The following PLCB1 variants were observed in gnomAD, a reference collection of about 807,000 sequenced individuals.
PLCB1 encodes 1-phosphatidylinositol 4,5-bisphosphate phosphodiesterase beta-1.
PLCB1 carries 46 observed loss-of-function variants against 161.8 expected under a neutral mutation model. That is an observed-to-expected ratio of 0.28 (90% CI 0.22 to 0.36). The LOEUF is 0.36. PLCB1 is among the 10% of genes least tolerant of loss of function. The pLI, the probability that PLCB1 is intolerant of heterozygous loss-of-function variation, is 1.00. For missense variants in PLCB1, 1,016 were observed against 1,472.5 expected (o/e 0.69, Z 5.07); for synonymous variants, 517 against 503.7 (o/e 1.03, Z -0.35).
intron 23 of PLCB1, among the ~76,000 whole-genome samples, chr20:8,755,142 A>T (rs1981675366): frequency 6.6e-6 from 1 of 152,210 alleles, no homozygotes; most frequent in Non-Finnish European, 1.5e-5. Context: ...AGGGTGTAGT[A>T]AACAAGCAGG....
chr20:8,731,203 T>C (rs1980224901), intron 18 of PLCB1, among the ~76,000 whole-genome samples: 1 of 151,920 alleles, frequency 6.6e-6, no homozygotes, highest in African/African-American at 2.4e-5. Flanking sequence ...ATTAATTTAT[T>C]TTTATTGATA....
chr20:8,467,887 G>A (rs1369066977), intron 3 of PLCB1, among the ~76,000 whole-genome samples: 4 of 152,120 alleles, frequency 2.6e-5, no homozygotes, highest in African/African-American at 9.7e-5. Flanking sequence ...AGGCTCTGCT[G>A]TCTGCACCAT....
intron 7 of PLCB1, among the ~76,000 whole-genome samples, chr20:8,656,396 CTTTT>C (rs1989457082): frequency 6.6e-6 from 1 of 151,944 alleles, no homozygotes; most frequent in Non-Finnish European, 1.5e-5. Context: ...AGGGTGTGTT[CTTTT>C]GTTTAAGGGC....
chr20:8,428,138 A>C (rs1279221830), intron 3 of PLCB1, among the ~76,000 whole-genome samples: 1 of 152,214 alleles, frequency 6.6e-6, no homozygotes, highest in Non-Finnish European at 1.5e-5. Context: ...CATTCTCAGC[A>C]ACAACAGCCC....
At chr20:8,805,503 G>A (rs57844360) in intron 31 of PLCB1, among the ~76,000 whole-genome samples, 4,029 of 152,198 alleles carry the variant, frequency 0.026, 169 homozygotes, top group African/African-American at 0.093. Context: ...TACATGCTTT[G>A]AAATAATAAA....
intron 31 of PLCB1, among the ~76,000 whole-genome samples, chr20:8,827,000 A>G (rs1239233867): frequency 6.6e-6 from 1 of 152,190 alleles, no homozygotes; most frequent in African/African-American, 2.4e-5. Context: ...CGTATTTCAG[A>G]TGACATCTCT....
intron 10 of PLCB1, among the ~76,000 whole-genome samples, chr20:8,691,208 A>G (rs1990471045): frequency 6.6e-6 from 1 of 152,160 alleles, no homozygotes; most frequent in Admixed American, 6.5e-5. Context: ...TCAAATTTCT[A>G]TGATATAAAC....
At chr20:8,802,243 C>A in intron 31 of PLCB1, 2 of 774,440 alleles carry the variant, frequency 2.6e-6, no homozygotes, top group South Asian at 3.2e-5. Context: ...TCAGGCATCA[C>A]GGACTTGCTC....
chr20:8,880,606 G>A (rs1987936540), intron 31 of PLCB1, among the ~76,000 whole-genome samples: 1 of 152,154 alleles, frequency 6.6e-6, no homozygotes, highest in Admixed American at 6.6e-5. Context: ...AATGTATCAA[G>A]CTGCTCCTTA....
intron 2 of PLCB1, among the ~76,000 whole-genome samples, chr20:8,348,518 T>G (rs1013762943): frequency 4.6e-5 from 7 of 152,214 alleles, no homozygotes; most frequent in Middle Eastern, 3.4e-3. Flanking sequence ...CCAATATGAA[T>G]TGTGTTGGAG....
At chr20:8,539,082 T>G (rs939221382) in intron 3 of PLCB1, among the ~76,000 whole-genome samples, 1 of 152,186 alleles carries the variant, frequency 6.6e-6, no homozygotes, top group African/African-American at 2.4e-5. Context: ...CCACTGTGCC[T>G]GGCCTACAGC....
intron 31 of PLCB1, among the ~76,000 whole-genome samples, chr20:8,851,456 A>G (rs771866009): frequency 2.0e-4 from 31 of 152,342 alleles, no homozygotes; most frequent in Non-Finnish European, 4.3e-4. Flanking sequence ...ACTGGGCTGC[A>G]AAATAACCCT....
At chr20:8,879,542 T>C (rs1987898964) in intron 31 of PLCB1, among the ~76,000 whole-genome samples, 1 of 152,134 alleles carries the variant, frequency 6.6e-6, no homozygotes, top group African/African-American at 2.4e-5. Context: ...ATATTTCATG[T>C]ATCAGTATCA....
chr20:8,741,479 T>A lies in PLCB1; in HGVS notation c.2429T>A (p.Leu810Ter). 6.2e-7 allele frequency: 1 copy of A among 1,613,054 alleles called. No individual in the cohort carries two copies. The highest frequency in any genetic ancestry group is 8.5e-7 in the Non-Finnish European group (1 of 1,179,120). Residue 810 changes from leucine (L) to a stop codon, truncating the protein, a stop_gained, in exon 23 of 32, where the codon TTA becomes TAA. Coordinates refer to ENST00000338037, the MANE Select transcript of PLCB1 (RefSeq NM_015192.4). LOFTEE classifies it high-confidence loss of function. ...PDTYADVIEA[L>*]SNPIRYVNLM... Reference sequence around the variant, plus strand: ...CCCTATTTAGATGTCATCGAAGCTTTATCAAACCCAATCCGATATGTGAAC... The same window carrying A: ...CCCTATTTAGATGTCATCGAAGCTTAATCAAACCCAATCCGATATGTGAAC...
intron 3 of PLCB1, among the ~76,000 whole-genome samples, chr20:8,574,485 G>C (rs1050427839): frequency 6.6e-6 from 1 of 152,124 alleles, no homozygotes; most frequent in Non-Finnish European, 1.5e-5. Context: ...GAAATACTAA[G>C]TGTTTATTAT....
At chr20:8,188,149 TG>T in intron 2 of PLCB1, among the ~76,000 whole-genome samples, 1 of 152,240 alleles carries the variant, frequency 6.6e-6, no homozygotes, top group East Asian at 1.9e-4. Flanking sequence ...GTGTTTGTTG[TG>T]GGGCCCAGGT....
intron 3 of PLCB1, among the ~76,000 whole-genome samples, chr20:8,568,702 G>A (rs1441754672): frequency 1.3e-5 from 2 of 151,774 alleles, no homozygotes; most frequent in Non-Finnish European, 2.9e-5. Context: ...GAATTCAAAT[G>A]TTCAGCAAGT....
chr20:8,645,587 G>A (rs1989146928), intron 4 of PLCB1, among the ~76,000 whole-genome samples: 1 of 152,220 alleles, frequency 6.6e-6, no homozygotes, highest in African/African-American at 2.4e-5. Context: ...GATATTGACA[G>A]TGTTGGGAGA....
intron 10 of PLCB1, among the ~76,000 whole-genome samples, chr20:8,694,553 A>G (rs1990546793): frequency 6.6e-6 from 1 of 152,218 alleles, no homozygotes; most frequent in South Asian, 2.1e-4. Context: ...TTCTTTGATT[A>G]AAAATATTCA....
Sources: gnomAD v4.1 joint callset for allele counts (sites outside exome capture counted in the v4.1 genomes callset) on GRCh38, gnomAD v4.1.1 for gene constraint, MANE v1.5 for transcripts, NCBI Gene and HGNC (gene_info 2026-07-23, HGNC 2026-07-21) for gene names.